The following NCAM1 variants were observed in gnomAD, a reference collection of about 807,000 sequenced individuals.
The protein encoded by NCAM1 is antigen recognized by monoclonal antibody 5.1H11.
A neutral mutation model predicts 109.8 loss-of-function variants in NCAM1; 14 were observed. The observed-to-expected ratio is 0.13, with a 90% CI of 0.08 to 0.20. The LOEUF is 0.20. Ranked by LOEUF, NCAM1 falls within the 10% of genes least tolerant of loss-of-function variation. The pLI is 1.00. For synonymous variants in NCAM1, 418 were observed against 442.9 expected, an observed-to-expected ratio of 0.94 and a Z score of 0.70; for missense variants, 774 against 1,109.9, an observed-to-expected ratio of 0.70 and a Z score of 4.30.
chr11:113,083,443 G>A (rs1222574386), intron 1 of NCAM1, among the ~76,000 whole-genome samples: 1 of 152,178 alleles, frequency 6.6e-6, no homozygotes, highest in Non-Finnish European at 1.5e-5. Flanking sequence ...TAAAAGTGCT[G>A]TTTCATTGGG....
Position 113,275,180 on chromosome 11 carries a change from C to A in NCAM1, c.2457-87C>A. On this transcript the variant is annotated intron_variant, in intron 19 of 19. Coordinates refer to ENST00000316851, the MANE Select transcript of NCAM1 (RefSeq NM_181351.5). Reference sequence around the variant, plus strand: ...TGCTGTCACTGGAGAACCCCTCCTCCTCCCTGCTGTCCCCAAGGCCTGGAT... The same window carrying A: ...TGCTGTCACTGGAGAACCCCTCCTCATCCCTGCTGTCCCCAAGGCCTGGAT... The A allele has an allele frequency of 3.9e-6, 6 of 1,541,228 alleles. No individual in the cohort carries two copies. The South Asian group carries it at 6.1e-5, about 16-fold the overall frequency.
chr11:112,994,303 C>CA (rs1951537545), intron 1 of NCAM1, among the ~76,000 whole-genome samples: 1 of 152,188 alleles, frequency 6.6e-6, no homozygotes, highest in South Asian at 2.1e-4. Flanking sequence ...AGGCATTACT[C>CA]ATGATCTTTT....
rs939212221 is a variant in NCAM1 at position 113,273,014 on chromosome 11, C to T, written c.2456+1138C>T. 2.2e-5 allele frequency: 10 copies of T among 456,928 alleles called. No homozygotes were observed. Among genetic ancestry groups the T allele is most frequent in the East Asian group, 2.1e-4 (3 of 14,376 alleles). The allele number at this position is 456,928 out of a possible 1,614,324, so 28.3% of individuals were successfully genotyped here. On this transcript the variant is annotated intron_variant, in intron 19 of 19. Coordinates refer to ENST00000316851, the MANE Select transcript of NCAM1 (RefSeq NM_181351.5). This position sits in a 1 kb window ranked among gnomAD's most constrained non-coding sequence, Gnocchi z 6.0. ...TCACCACTAACTCTGACACTATCAC[C>T]GAAACCTTTGCCACTGCTCAGAACA...
chr11:113,212,479 G>T (rs1447756383), intron 7 of NCAM1, among the ~76,000 whole-genome samples: 1 of 152,018 alleles, frequency 6.6e-6, no homozygotes, highest in African/African-American at 2.4e-5. Flanking sequence ...GTTAACCTTC[G>T]GCTGCCATGA....
At chr11:113,073,706 A>C (rs538472384) in intron 1 of NCAM1, among the ~76,000 whole-genome samples, 4 of 152,326 alleles carry the variant, frequency 2.6e-5, no homozygotes, top group East Asian at 3.9e-4. Flanking sequence ...AAAACCTTTA[A>C]ATCCGCATCA....
chr11:113,220,905 G>A (rs986881489), intron 8 of NCAM1, among the ~76,000 whole-genome samples: 2 of 151,986 alleles, frequency 1.3e-5, no homozygotes, highest in Non-Finnish European at 2.9e-5. Flanking sequence ...AACCGCACCC[G>A]GCCAGAGGAG....
intron 1 of NCAM1, among the ~76,000 whole-genome samples, chr11:113,101,609 C>T (rs1939878907): frequency 6.6e-6 from 1 of 152,072 alleles, no homozygotes. Context: ...ATTGAATGAA[C>T]CATTTATTTT....
chr11:113,216,306 C>CGCCCGGCTAATTTTTTTTTGTATT (rs1565505676), intron 8 of NCAM1, among the ~76,000 whole-genome samples: 2 of 151,966 alleles, frequency 1.3e-5, no homozygotes, highest in African/African-American at 4.8e-5. Context: ...CCCGCCACCT[C>CGCCCGGCTAATTTTTTTTTGTATT]GCCCGGCTAA....
At chr11:113,183,031 A>G (rs1475569956) in intron 1 of NCAM1, among the ~76,000 whole-genome samples, 1 of 152,200 alleles carries the variant, frequency 6.6e-6, no homozygotes, top group Non-Finnish European at 1.5e-5. Flanking sequence ...TTGACTATAG[A>G]GGTGAAATGA....
chr11:113,118,119 C>T (rs1940789155), intron 1 of NCAM1, among the ~76,000 whole-genome samples: 1 of 151,870 alleles, frequency 6.6e-6, no homozygotes, highest in South Asian at 2.1e-4. Flanking sequence ...AAGGATTTGT[C>T]ATATTTTTCC....
intron 17 of NCAM1, chr11:113,269,941 C>A: frequency 3.6e-6 from 2 of 557,980 alleles, no homozygotes; most frequent in South Asian, 4.1e-5. Context: ...GGGAGGCCAG[C>A]TGACCAGGCT....
intron 14 of NCAM1, among the ~76,000 whole-genome samples, chr11:113,241,645 G>T (rs77740173): frequency 0.017 from 2,534 of 152,246 alleles, 40 homozygotes; most frequent in Middle Eastern, 0.034. Flanking sequence ...CTGTCCTTTT[G>T]TGTGCCTGAA....
chr11:113,193,796 A>G (rs552484549), intron 1 of NCAM1, among the ~76,000 whole-genome samples: 2 of 152,260 alleles, frequency 1.3e-5, no homozygotes, highest in East Asian at 1.9e-4. Flanking sequence ...ACATAATTCT[A>G]TTACTTCTGA....
At chr11:112,968,717 G>A (rs1199561582) in intron 1 of NCAM1, among the ~76,000 whole-genome samples, 4 of 152,116 alleles carry the variant, frequency 2.6e-5, no homozygotes, top group African/African-American at 7.2e-5. Context: ...GAAAAACCCA[G>A]GATGAGAGAT....
rs113123251 is a variant in NCAM1, at chr11:112,966,628, T to G, written c.52+4964T>G. The stretch of plus-strand genomic sequence containing the variant: ...GCCAAACCTTAAAACCATTTGCTGA[T>G]GTAAAGGGATGTAAATTATTTGGCG... On this transcript the variant is annotated intron_variant, in intron 1 of 19. Transcript: ENST00000316851. Among the ~76,000 whole-genome samples, 745 of 152,368 alleles carry G rather than the reference T, an allele frequency of 4.9e-3. 4 individuals carry two copies. Among genetic ancestry groups the G allele is most frequent in the Non-Finnish European group, 7.7e-3 (525 of 68,026 alleles).
chr11:112,999,609 C>A (rs1348293698), intron 1 of NCAM1, among the ~76,000 whole-genome samples: 1 of 151,744 alleles, frequency 6.6e-6, no homozygotes. Context: ...ATGCCAATAA[C>A]CCTAATTAAG....
chr11:113,097,713 A>G (rs1939670556), intron 1 of NCAM1, among the ~76,000 whole-genome samples: 1 of 152,138 alleles, frequency 6.6e-6, no homozygotes, highest in African/African-American at 2.4e-5. Flanking sequence ...CTTAAAGGAC[A>G]AGATGAATTT....
At position 113,143,033 on chromosome 11, in the gene NCAM1, T is replaced by A. The variant is rs147236861; in HGVS notation, c.53-59346T>A. ...CCTGAATAATGACTGTGTCTCAGAG[T>A]TGTATCTGCTAAAAATAAGGATATA... On this transcript the variant is annotated intron_variant, in intron 1 of 19. Coordinates refer to ENST00000316851, the MANE Select transcript of NCAM1 (RefSeq NM_181351.5). Among the ~76,000 whole-genome samples, 35 of 152,162 alleles carry A rather than the reference T, an allele frequency of 2.3e-4. No individual in the cohort carries two copies. The South Asian group carries it at 5.4e-3, about 23-fold the overall frequency.
intron 1 of NCAM1, among the ~76,000 whole-genome samples, chr11:113,055,381 T>C (rs1411502517): frequency 2.0e-5 from 3 of 152,104 alleles, no homozygotes; most frequent in African/African-American, 4.8e-5. Context: ...AAGTAGAAAA[T>C]GGTCAACGTT....
Sources: gnomAD v4.1 joint callset for allele counts (sites outside exome capture counted in the v4.1 genomes callset) on GRCh38, gnomAD v4.1.1 for gene constraint, Gnocchi (gnomAD v3.1) non-coding constraint, MANE v1.5 for transcripts, NCBI Gene and HGNC (gene_info 2026-07-23, HGNC 2026-07-21) for gene names.